The following PIK3R5 variants were observed in gnomAD, a reference collection of about 807,000 sequenced individuals.
PIK3R5 encodes phosphoinositide 3-kinase regulatory subunit 5.
PIK3R5 carries 32 observed loss-of-function variants against 94.9 expected under a neutral mutation model. That is an observed-to-expected ratio of 0.34 (90% CI 0.25 to 0.45). PIK3R5 has a LOEUF of 0.45. Ranked by LOEUF, PIK3R5 falls within the 20% of genes least tolerant of loss-of-function variation. The probability of loss-of-function intolerance (pLI) is 1.00; values close to 1 mark genes in which losing one functional copy is unlikely to be tolerated. For missense variants in PIK3R5, 853 were observed against 1,144.6 expected (o/e 0.75, Z 3.68); for synonymous variants, 443 against 479.4 (o/e 0.92, Z 0.99).
At chr17:8,918,371 A>T (rs923740682) in intron 1 of PIK3R5, among the ~76,000 whole-genome samples, 38 of 152,374 alleles carry the variant, frequency 2.5e-4, no homozygotes, top group African/African-American at 9.1e-4. Flanking sequence ...AAAAGGACAT[A>T]GGGTCTAACC....
chr17:8,906,117 A>G (rs1164295144), intron 3 of PIK3R5, among the ~76,000 whole-genome samples: 1 of 152,052 alleles, frequency 6.6e-6, no homozygotes, highest in Non-Finnish European at 1.5e-5. Flanking sequence ...TTTAAGCCCC[A>G]CATGCATTAG....
rs1567631868 is a variant in PIK3R5 at position 8,884,385 on chromosome 17, G to T, written c.2205+322C>A. Among the ~76,000 whole-genome samples, 1 of 151,846 alleles carries T rather than the reference G, an allele frequency of 6.6e-6. No individual in the cohort carries two copies. Among genetic ancestry groups the T allele is most frequent in the South Asian group, 2.1e-4 (1 of 4,806 alleles). Reference sequence around the variant, plus strand: ...CGAGACCCTGGCTTCTCCCTGAGGTGCCTCTGGAAGGCTTCCCTTTCCCCC... The same window carrying T: ...CGAGACCCTGGCTTCTCCCTGAGGTTCCTCTGGAAGGCTTCCCTTTCCCCC... On this transcript the variant is annotated intron_variant, in intron 15 of 18. Coordinates refer to ENST00000447110, the MANE Select transcript of PIK3R5 (RefSeq NM_001142633.3). The surrounding 1 kb of genome is among the most constrained non-coding windows in gnomAD (Gnocchi z 5.8).
chr17:8,961,417 C>G (rs1203401012), intron 1 of PIK3R5, among the ~76,000 whole-genome samples: 1 of 152,152 alleles, frequency 6.6e-6, no homozygotes, highest in African/African-American at 2.4e-5. Flanking sequence ...GGCAGAACAC[C>G]TGCGGTCTGG....
intron 1 of PIK3R5, among the ~76,000 whole-genome samples, chr17:8,939,282 C>T (rs1432253976): frequency 6.6e-6 from 1 of 152,166 alleles, no homozygotes; most frequent in Non-Finnish European, 1.5e-5. Context: ...CCCAATTGCT[C>T]CAGCAGTAGG....
In PIK3R5 at chr17:8,888,252, G is replaced by A. The variant is rs139156443; in HGVS notation, c.1535C>T (p.Pro512Leu). 4 of 1,613,394 alleles carry A rather than the reference G, an allele frequency of 2.5e-6. No homozygotes were observed. The African/African-American group carries it at 5.3e-5, about 22-fold the overall frequency. The change falls in exon 10 of 19, where the codon CCC (proline) becomes CTC (leucine). Residue 512 changes from proline to leucine, a missense_variant. Transcript: ENST00000447110. The surrounding 1 kb of genome is among the most constrained non-coding windows in gnomAD (Gnocchi z 7.8). ...CACAACACGTAGCGTGGAAGCCTTG[G>A]GATCCTCATCTCCACTCAGGAAGGG... is the stretch of plus-strand genomic sequence containing the variant. Reference protein sequence around the residue: ...RRPFLSGDEDPKASTLRVVVF... With the variant: ...RRPFLSGDEDLKASTLRVVVF...
At chr17:8,963,625 A>T (rs530240302) in intron 1 of PIK3R5, among the ~76,000 whole-genome samples, 51 of 151,314 alleles carry the variant, frequency 3.4e-4, no homozygotes, top group African/African-American at 1.1e-3. Context: ...GCAGCCTCGA[A>T]CTCCTGGGGT....
chr17:8,940,433 C>T (rs746272568), intron 1 of PIK3R5, among the ~76,000 whole-genome samples: 2 of 152,218 alleles, frequency 1.3e-5, no homozygotes, highest in Non-Finnish European at 1.5e-5. Flanking sequence ...AAGATGGGAC[C>T]CAGGAAAACT....
intron 1 of PIK3R5, among the ~76,000 whole-genome samples, chr17:8,918,350 T>C (rs967722852): frequency 6.6e-6 from 1 of 152,162 alleles, no homozygotes; most frequent in Admixed American, 6.6e-5. Context: ...TGAAAAACCA[T>C]GGGGAGTGTC....
chr17:8,923,837 G>A (rs927796442), intron 1 of PIK3R5, among the ~76,000 whole-genome samples: 1 of 151,496 alleles, frequency 6.6e-6, no homozygotes, highest in Non-Finnish European at 1.5e-5. Flanking sequence ...TCTGGATGTG[G>A]AAAAAGATTG....
Position 8,909,303 on chromosome 17 carries a change from T to G in PIK3R5, c.104-129A>C, listed in dbSNP as rs544380417. Reference sequence around the variant, plus strand: ...GTATTGCACTGGAACACTCTTTTTTTTTTTTGAGACAGAGTCTTGCTCTGT... The same window carrying G: ...GTATTGCACTGGAACACTCTTTTTTGTTTTTGAGACAGAGTCTTGCTCTGT... On this transcript the variant is annotated intron_variant, in intron 2 of 18. Coordinates refer to ENST00000447110, the MANE Select transcript of PIK3R5 (RefSeq NM_001142633.3). This position sits in a 1 kb window ranked among gnomAD's most constrained non-coding sequence, Gnocchi z 4.3. 2 of 605,296 alleles carry G rather than the reference T, an allele frequency of 3.3e-6. No individual in the cohort carries two copies. Among genetic ancestry groups the G allele is most frequent in the Admixed American group, 2.6e-5 (1 of 38,056 alleles). The allele number at this position is 605,296 out of a possible 1,614,324, so 37.5% of individuals were successfully genotyped here.
intron 18 of PIK3R5, 29 bp from the exon 19 acceptor site, chr17:8,880,815 A>G: frequency 6.2e-7 from 1 of 1,612,406 alleles, no homozygotes; most frequent in African/African-American, 1.3e-5. Context: ...GCCAGGGATC[A>G]GAGCAGGCCC....
chr17:8,949,597 T>C (rs940044922), intron 1 of PIK3R5, among the ~76,000 whole-genome samples: 4 of 152,226 alleles, frequency 2.6e-5, no homozygotes, highest in Admixed American at 6.5e-5. Flanking sequence ...GGGAGAATTC[T>C]GTAATGGCAT....
Position 8,904,469 on chromosome 17 carries a change from C to A in PIK3R5, c.412+308G>T, listed in dbSNP as rs986709084. Among the ~76,000 whole-genome samples the A allele has an allele frequency of 1.3e-5, 2 of 152,202 alleles. No individual in the cohort carries two copies. The highest frequency in any genetic ancestry group is 2.4e-5 in the African/African-American group (1 of 41,452). On this transcript the variant is annotated intron_variant, in intron 5 of 18. Transcript: ENST00000447110. This position sits in a 1 kb window ranked among gnomAD's most constrained non-coding sequence, Gnocchi z 5.1. ...TGTCTGATCTGGGTAGCCTTGGAGA[C>A]CCCTTGACTAACCAGATCAGAGGCA...
chr17:8,939,740 G>A (rs1053381933), intron 1 of PIK3R5, among the ~76,000 whole-genome samples: 2 of 152,180 alleles, frequency 1.3e-5, no homozygotes, highest in Admixed American at 6.5e-5. Context: ...ACGGATGCCT[G>A]GCTGAGAATC....
rs1355747469 is a variant in PIK3R5 at position 8,909,273 on chromosome 17, C to T, written c.104-99G>A. On this transcript the variant is annotated intron_variant, in intron 2 of 18. Coordinates refer to ENST00000447110, the MANE Select transcript of PIK3R5 (RefSeq NM_001142633.3). The surrounding 1 kb of genome is among the most constrained non-coding windows in gnomAD (Gnocchi z 4.3). ...GGGGCATTTATGCTGGAACATTTTT[C>T]TGTGGTATTGCACTGGAACACTCTT... 4.3e-6 allele frequency: 3 copies of T among 703,394 alleles called. No homozygotes were observed. In the Admixed American group the frequency reaches 7.0e-5, roughly 16 times the overall value. The allele number at this position is 703,394 out of a possible 1,614,324, so 43.6% of individuals were successfully genotyped here. A position where few individuals can be genotyped will look rare whatever the true frequency, so the allele number is the denominator to read the frequency against.
chr17:8,889,110 T>C lies in PIK3R5; in HGVS notation c.895+29A>G, dbSNP rs749020505. On this transcript the variant is annotated intron_variant, in intron 9 of 18. Transcript: ENST00000447110. This position sits in a 1 kb window ranked among gnomAD's most constrained non-coding sequence, Gnocchi z 4.1. ...AACACAGCTCAGGCAGTGTGGGGCA[T>C]GGGTGTCACCAGGGCCCCGGCTCCT... is the stretch of plus-strand genomic sequence containing the variant. 2 of 1,600,114 alleles carry C rather than the reference T, an allele frequency of 1.2e-6. No individual in the cohort carries two copies. Among genetic ancestry groups the C allele is most frequent in the Admixed American group, 1.7e-5 (1 of 59,290 alleles).
chr17:8,918,943 T>C (rs1012393367), intron 1 of PIK3R5, among the ~76,000 whole-genome samples: 1 of 152,208 alleles, frequency 6.6e-6, no homozygotes. Context: ...ACTACAATCA[T>C]GAGAAAACAC....
intron 1 of PIK3R5, among the ~76,000 whole-genome samples, chr17:8,924,998 T>C (rs2090843568): frequency 6.6e-6 from 1 of 151,928 alleles, no homozygotes; most frequent in African/African-American, 2.4e-5. Flanking sequence ...ATATACCAGA[T>C]AGATAGTTAG....
At chr17:8,965,153 C>T (rs977581379) in intron 1 of PIK3R5, among the ~76,000 whole-genome samples, 1 of 152,228 alleles carries the variant, frequency 6.6e-6, no homozygotes, top group African/African-American at 2.4e-5. Flanking sequence ...GAGTGAGGCT[C>T]GACGGAGGGC....
Sources: gnomAD v4.1 joint callset for allele counts (sites outside exome capture counted in the v4.1 genomes callset) on GRCh38, gnomAD v4.1.1 for gene constraint, Gnocchi (gnomAD v3.1) non-coding constraint, MANE v1.5 for transcripts, NCBI Gene and HGNC (gene_info 2026-07-23, HGNC 2026-07-21) for gene names.